Variants in KIZ observed in about 807,000 individuals in gnomAD.
KIZ encodes kizuna centrosomal protein, also known as centrosomal protein kizuna.
A neutral mutation model predicts 79.6 loss-of-function variants in KIZ; 68 were observed. The ratio of observed to expected loss-of-function variants is 0.85; its 90% CI spans 0.70 to 1.05. KIZ has a LOEUF of 1.05. Among genes scored for constraint, KIZ ranks in the 50% least tolerant of loss-of-function variants. The pLI, the probability that KIZ is intolerant of heterozygous loss-of-function variation, is 0.00. For missense variants in KIZ, 797 were observed against 800.4 expected, an observed-to-expected ratio of 1.00 and a Z score of 0.05; for synonymous variants, 280 against 281.8, an observed-to-expected ratio of 0.99 and a Z score of 0.06.
chr20:21,187,367 A>G (rs780200403), intron 6 of KIZ, among the ~76,000 whole-genome samples: 3 of 152,104 alleles, frequency 2.0e-5, no homozygotes, highest in Non-Finnish European at 2.9e-5. Flanking sequence ...GACCTGCCCT[A>G]CTCATCTGAG....
intron 12 of KIZ, chr20:21,244,641 G>A (rs976989269): frequency 2.6e-5 from 6 of 232,364 alleles, no homozygotes; most frequent in Admixed American, 5.6e-5. Flanking sequence ...GCTCATGACC[G>A]GACAGGCTCT....
At chr20:21,178,569 T>C (rs1237588803) in intron 6 of KIZ, among the ~76,000 whole-genome samples, 1 of 152,152 alleles carries the variant, frequency 6.6e-6, no homozygotes, top group African/African-American at 2.4e-5. Context: ...TTATTTCTTT[T>C]CCTTGCCTAA....
rs1048038546 is a variant in KIZ, at chr20:21,205,453, T to G, written c.1353-38T>G. Reference sequence around the variant, plus strand: ...TAAAAATGTGGGAATCTTATAATATTACAAATCTATAGTGAGTGTCCTGTT... The same window carrying G: ...TAAAAATGTGGGAATCTTATAATATGACAAATCTATAGTGAGTGTCCTGTT... On this transcript the variant is annotated intron_variant, in intron 6 of 12. Coordinates refer to ENST00000619189, the MANE Select transcript of KIZ (RefSeq NM_018474.6). 6.0e-6 allele frequency: 5 copies of G among 833,978 alleles called. No homozygotes were observed. In the African/African-American group the frequency reaches 8.7e-5, roughly 15 times the overall value. The allele number at this position is 833,978 out of a possible 1,614,324, so 51.7% of individuals were successfully genotyped here. A position where few individuals can be genotyped will look rare whatever the true frequency, so the allele number is the denominator to read the frequency against.
chr20:21,175,978 T>G (rs2034414282), intron 6 of KIZ, among the ~76,000 whole-genome samples: 1 of 151,982 alleles, frequency 6.6e-6, no homozygotes, highest in Non-Finnish European at 1.5e-5. Context: ...ATGGTGCCAC[T>G]GCACTCCAGC....
intron 7 of KIZ, among the ~76,000 whole-genome samples, chr20:21,212,393 ATAC>A (rs1001642157): frequency 1.3e-5 from 2 of 152,226 alleles, no homozygotes; most frequent in Non-Finnish European, 2.9e-5. Flanking sequence ...AGTGGAAACC[ATAC>A]TACAAGTAGT....
intron 6 of KIZ, among the ~76,000 whole-genome samples, chr20:21,185,035 CCT>C (rs765313519): frequency 4.7e-5 from 7 of 149,748 alleles, no homozygotes; most frequent in African/African-American, 7.6e-5. Context: ...AGAGCAAGAC[CCT>C]GTCTCAAGGA....
At chr20:21,166,148 A>T (rs1340799944) in intron 6 of KIZ, 41 of 668,528 alleles carry the variant, frequency 6.1e-5, no homozygotes, top group African/African-American at 1.4e-4. Context: ...TGTATTTTGT[A>T]TTTTTTTTTT....
intron 3 of KIZ, among the ~76,000 whole-genome samples, chr20:21,144,715 G>C (rs1222994883): frequency 6.6e-6 from 1 of 152,060 alleles, no homozygotes; most frequent in African/African-American, 2.4e-5. Context: ...TCAAAACAAA[G>C]CTCAGGCCTA....
At chr20:21,177,176 G>A (rs1021140471) in intron 6 of KIZ, among the ~76,000 whole-genome samples, 1 of 152,070 alleles carries the variant, frequency 6.6e-6, no homozygotes, top group African/African-American at 2.4e-5. Context: ...AGGAATCTCT[G>A]TACTGTTTTC....
chr20:21,205,462 A>G (rs764337188), intron 6 of KIZ, 29 bp from the exon 7 acceptor site: 34 of 896,762 alleles, frequency 3.8e-5, no homozygotes, highest in Middle Eastern at 4.3e-4. Context: ...TTACAAATCT[A>G]TAGTGAGTGT....
intron 6 of KIZ, among the ~76,000 whole-genome samples, chr20:21,180,440 G>A (rs78815156): frequency 0.019 from 2,955 of 152,084 alleles, 90 homozygotes; most frequent in African/African-American, 0.066. Context: ...GGCGAGGGAC[G>A]GGTGCAAGGG....
At chr20:21,196,643 G>A (rs2035355505) in intron 6 of KIZ, 1 of 152,260 alleles carries the variant, frequency 6.6e-6, no homozygotes, top group Admixed American at 6.5e-5. Flanking sequence ...TGGAAGCTTT[G>A]GGGCAGCAGA....
At position 21,126,223 on chromosome 20, in the gene KIZ, G is replaced by C; in HGVS notation, c.89+19G>C. The C allele has an allele frequency of 1.4e-6, 2 of 1,395,582 alleles. No homozygotes were observed. The highest frequency in any genetic ancestry group is 3.0e-5 in the South Asian group (2 of 67,446). 86.4% of individuals were successfully genotyped at this position (1,395,582 alleles called of 1,614,324 possible). On this transcript the variant is annotated intron_variant, in intron 1 of 12. Transcript: ENST00000619189. Reference sequence around the variant, plus strand: ...GGGACAGGTAAGGGCACTGGGGCGGGGGTGGGGAGTCGGCCCGCGCCGGGG... The same window carrying C: ...GGGACAGGTAAGGGCACTGGGGCGGCGGTGGGGAGTCGGCCCGCGCCGGGG...
rs747573633 is a variant in KIZ, at chr20:21,229,091, GA to G, written c.1760del (p.Asp587ValfsTer10). On this transcript the variant is annotated frameshift_variant, in exon 10 of 13. Coordinates refer to ENST00000619189, the MANE Select transcript of KIZ (RefSeq NM_018474.6). LOFTEE classifies it high-confidence loss of function. Reference sequence around the variant, plus strand: ...AACTGAAAACAGGTTTCAAAAGACAGATGCTTCTGTGTCACACTTGTCAGGT... The same window carrying G: ...AACTGAAAACAGGTTTCAAAAGACAGTGCTTCTGTGTCACACTTGTCAGGT... ...NQTENRFQKTDASVSHLSGLN... is the reference protein window; with the variant it reads ...NQTENRFQKTXASVSHLSGLN... The G allele has an allele frequency of 6.2e-7, 1 of 1,610,618 alleles. No homozygotes were observed. Among genetic ancestry groups the G allele is most frequent in the African/African-American group, 1.3e-5 (1 of 74,998 alleles).
intron 2 of KIZ, among the ~76,000 whole-genome samples, chr20:21,135,612 T>G (rs2032141422): frequency 1.3e-5 from 2 of 152,224 alleles, no homozygotes; most frequent in Non-Finnish European, 1.5e-5. Context: ...TATTTTTGTT[T>G]GATGAAAGAA....
chr20:21,212,357 C>A (rs915072897), intron 7 of KIZ, among the ~76,000 whole-genome samples: 11 of 152,112 alleles, frequency 7.2e-5, no homozygotes, highest in African/African-American at 2.7e-4. Flanking sequence ...TTTGATTTTA[C>A]AGTGGTGTGA....
At chr20:21,210,864 C>T (rs1336798845) in intron 7 of KIZ, among the ~76,000 whole-genome samples, 1 of 151,766 alleles carries the variant, frequency 6.6e-6, no homozygotes, top group South Asian at 2.1e-4. Context: ...CTTTTCTCTA[C>T]CTATTTATTA....
chr20:21,244,060 C>T (rs754414230), intron 11 of KIZ, among the ~76,000 whole-genome samples, 185 bp from the exon 12 acceptor site: 16 of 152,152 alleles, frequency 1.1e-4, no homozygotes, highest in African/African-American at 3.6e-4. Context: ...TGTTGAGTAG[C>T]GACCCTCCCG....
At chr20:21,238,639 C>A (rs2037114262) in intron 11 of KIZ, among the ~76,000 whole-genome samples, 1 of 152,144 alleles carries the variant, frequency 6.6e-6, no homozygotes, top group African/African-American at 2.4e-5. Context: ...GGAATGTCAT[C>A]CCACAGTTCC....
Sources: allele counts gnomAD v4.1 joint callset (sites outside exome capture counted in the v4.1 genomes callset), GRCh38; gene constraint gnomAD v4.1.1; transcripts MANE v1.5; gene names NCBI Gene and HGNC (gene_info 2026-07-23, HGNC 2026-07-21).